Variants in FRZB observed in about 807,000 individuals in gnomAD.
FRZB encodes the protein frizzled related protein.
In FRZB, 34 loss-of-function variants were observed where a neutral mutation model predicts 32.5. The ratio of observed to expected loss-of-function variants is 1.05; its 90% CI spans 0.80 to 1.39. The LOEUF (loss-of-function observed/expected upper bound fraction) is 1.39, where lower values mean the gene tolerates loss of function less well. Ranked by LOEUF, FRZB falls within the 40% of genes most tolerant of loss-of-function variation. FRZB has a pLI of 0.00. For synonymous variants in FRZB, 170 were observed against 159.2 expected (o/e 1.07, Z -0.51); for missense variants, 423 against 424.8 (o/e 1.00, Z 0.04).
chr2:182,838,791 C>T (rs957891109), intron 3 of FRZB, among the ~76,000 whole-genome samples, 178 bp from the exon 4 acceptor site: 19 of 152,050 alleles, frequency 1.2e-4, no homozygotes, highest in African/African-American at 4.6e-4. Flanking sequence ...CATAAAACAA[C>T]ACACCTGACC....
At chr2:182,865,455 T>G (rs545139957) in intron 1 of FRZB, among the ~76,000 whole-genome samples, 2 of 152,132 alleles carry the variant, frequency 1.3e-5, no homozygotes, top group South Asian at 4.2e-4. Context: ...ATTTATCTCA[T>G]TGAAAGGAGG....
intron 1 of FRZB, among the ~76,000 whole-genome samples, chr2:182,860,418 C>G (rs575251738): frequency 6.6e-6 from 1 of 152,000 alleles, no homozygotes; most frequent in South Asian, 2.1e-4. Flanking sequence ...TAAGAGAGAC[C>G]ATTATCATCC....
chr2:182,835,913 G>A (rs78899970), intron 5 of FRZB, among the ~76,000 whole-genome samples: 3,530 of 152,104 alleles, frequency 0.023, 59 homozygotes, highest in Non-Finnish European at 0.036. Context: ...GAAGTTTCTT[G>A]AACTTACTAG....
At chr2:182,840,816 T>A (rs1695578716) in intron 3 of FRZB, among the ~76,000 whole-genome samples, 1 of 152,084 alleles carries the variant, frequency 6.6e-6, no homozygotes, top group Admixed American at 6.6e-5. Context: ...CTCTAAGACC[T>A]TCACTTTCCA....
intron 3 of FRZB, among the ~76,000 whole-genome samples, chr2:182,839,520 T>C (rs567283532): frequency 3.2e-4 from 48 of 152,204 alleles, no homozygotes; most frequent in African/African-American, 1.1e-3. Flanking sequence ...ACCCAATTTA[T>C]CTCACAAGAC....
intron 2 of FRZB, among the ~76,000 whole-genome samples, chr2:182,852,735 T>C (rs1047275815): frequency 6.6e-6 from 1 of 152,164 alleles, no homozygotes; most frequent in Non-Finnish European, 1.5e-5. Context: ...CTAGGTGAAA[T>C]AGAACAAAAA....
intron 3 of FRZB, among the ~76,000 whole-genome samples, chr2:182,839,991 C>T (rs3768841): frequency 0.016 from 2,420 of 152,078 alleles, 75 homozygotes; most frequent in South Asian, 0.13. Flanking sequence ...GTTCCAATTT[C>T]GTCACAAAAA....
At chr2:182,840,675 C>T (rs1452191367) in intron 3 of FRZB, among the ~76,000 whole-genome samples, 2 of 151,990 alleles carry the variant, frequency 1.3e-5, no homozygotes, top group African/African-American at 4.8e-5. Flanking sequence ...TGTAAGAAAT[C>T]CCAGACAAAT....
intron 2 of FRZB, among the ~76,000 whole-genome samples, chr2:182,856,355 C>T (rs1695769469): frequency 6.6e-6 from 1 of 151,820 alleles, no homozygotes; most frequent in South Asian, 2.1e-4. Flanking sequence ...ATATATCTCA[C>T]ATACGTGTGT....
intron 2 of FRZB, among the ~76,000 whole-genome samples, chr2:182,856,584 T>C (rs891543866): frequency 6.6e-6 from 1 of 152,146 alleles, no homozygotes; most frequent in Non-Finnish European, 1.5e-5. Flanking sequence ...AAGAAATGTA[T>C]TTAAAACACA....
Position 182,866,079 on chromosome 2 carries a change from T to A in FRZB, c.474A>T (p.Gly158=). The change falls in exon 1 of 6, where the codon GGA becomes GGT. Residue 158 remains glycine (G), a synonymous_variant. Transcript: ENST00000295113. The surrounding 1 kb of genome is among the most constrained non-coding windows in gnomAD (Gnocchi z 4.5). ...GTGGGCCGTGTCAAAACTCACCAGC[T>A]CCGTCCGCAGTAACGATGGCCTCGG... ...ISPEAIVTAD[G]ADFPMDSSNG... is the part of the protein sequence containing the mutation. 1 of 1,607,372 alleles carries A rather than the reference T, an allele frequency of 6.2e-7. No individual in the cohort carries two copies. Among genetic ancestry groups the A allele is most frequent in the African/African-American group, 1.3e-5 (1 of 74,900 alleles).
intron 1 of FRZB, among the ~76,000 whole-genome samples, chr2:182,859,533 C>A (rs1246476904): frequency 1.3e-5 from 2 of 152,092 alleles, no homozygotes; most frequent in South Asian, 2.1e-4. Context: ...CTGTACCTAG[C>A]AATATATCCT....
intron 2 of FRZB, among the ~76,000 whole-genome samples, chr2:182,847,224 C>T (rs1204799063): frequency 6.6e-6 from 1 of 152,110 alleles, no homozygotes; most frequent in African/African-American, 2.4e-5. Context: ...AACTTAATGA[C>T]CTAAACTAGT....
Position 182,834,812 on chromosome 2 carries a change from T to C in FRZB, c.*37A>G, listed in dbSNP as rs368870159. ...GTCCAGCAATGCAAGTAAGTCTTAA[T>C]AGGAAGTCCACTGTGTTACTTTTTG... On this transcript the variant is annotated 3_prime_UTR_variant, in exon 6 of 6. Transcript: ENST00000295113. 5 of 1,433,440 alleles carry C rather than the reference T, an allele frequency of 3.5e-6. No homozygotes were observed. Among genetic ancestry groups the C allele is most frequent in the South Asian group, 2.3e-5 (2 of 87,374 alleles). 88.8% of individuals were successfully genotyped at this position (1,433,440 alleles called of 1,614,324 possible). A position where few individuals can be genotyped will look rare whatever the true frequency, so the allele number is the denominator to read the frequency against.
At chr2:182,853,523 T>C (rs1695732997) in intron 2 of FRZB, among the ~76,000 whole-genome samples, 1 of 152,196 alleles carries the variant, frequency 6.6e-6, no homozygotes, top group Admixed American at 6.5e-5. Flanking sequence ...GATTTCATGA[T>C]ATTGAAAAAC....
intron 2 of FRZB, among the ~76,000 whole-genome samples, chr2:182,857,136 G>C (rs1695778560): frequency 6.6e-6 from 1 of 151,804 alleles, no homozygotes; most frequent in Non-Finnish European, 1.5e-5. Context: ...TTGAAAAATA[G>C]CAAAGATAAT....
At chr2:182,842,223 G>A (rs1237698837) in intron 3 of FRZB, among the ~76,000 whole-genome samples, 2 of 152,116 alleles carry the variant, frequency 1.3e-5, no homozygotes, top group East Asian at 1.9e-4. Context: ...TTATCTCTGT[G>A]TACTTAAGTG....
chr2:182,851,901 A>G (rs570290413), intron 2 of FRZB, among the ~76,000 whole-genome samples: 3 of 152,258 alleles, frequency 2.0e-5, no homozygotes, highest in East Asian at 1.9e-4. Context: ...GTGACTGTCT[A>G]TAGCTGAGGG....
Position 182,866,614 on chromosome 2 carries a change from G to C in FRZB, c.-62C>G. 8.5e-7 allele frequency: 1 copy of C among 1,176,218 alleles called. No individual in the cohort carries two copies. The highest frequency in any genetic ancestry group is 1.1e-6 in the Non-Finnish European group (1 of 874,222). The allele number at this position is 1,176,218 out of a possible 1,614,324, so 72.9% of individuals were successfully genotyped here. ...TGGACGCCAAAAGGCCCGCTCCGCC[G>C]TCTCCGCCTCCCCCGCTGCAAGTGG... is the stretch of plus-strand genomic sequence containing the variant. On this transcript the variant is annotated 5_prime_UTR_variant, in exon 1 of 6. Coordinates refer to ENST00000295113, the MANE Select transcript of FRZB (RefSeq NM_001463.4). The surrounding 1 kb of genome is among the most constrained non-coding windows in gnomAD (Gnocchi z 4.5).
Sources: gnomAD v4.1 joint callset for allele counts (sites outside exome capture counted in the v4.1 genomes callset) on GRCh38, gnomAD v4.1.1 for gene constraint, Gnocchi (gnomAD v3.1) non-coding constraint, MANE v1.5 for transcripts, NCBI Gene and HGNC (gene_info 2026-07-23, HGNC 2026-07-21) for gene names.